The following TNKS variants were observed in gnomAD, a reference collection of about 807,000 sequenced individuals.
The protein encoded by TNKS is poly [ADP-ribose] polymerase tankyrase-1.
TNKS carries 72 observed loss-of-function variants against 135.8 expected under a neutral mutation model. The observed-to-expected ratio is 0.53, with a 90% confidence interval of 0.44 to 0.64. The LOEUF (loss-of-function observed/expected upper bound fraction) is 0.64. Among genes scored for constraint, TNKS ranks in the 30% least tolerant of loss-of-function variants. The pLI is 0.00. For synonymous variants in TNKS, 849 were observed against 649.3 expected, an observed-to-expected ratio of 1.31 and a Z score of -4.68; for missense variants, 1,769 against 1,674.0, an observed-to-expected ratio of 1.06 and a Z score of -0.99.
intron 20 of TNKS, among the ~76,000 whole-genome samples, chr8:9,758,178 T>G (rs1806942338): frequency 6.6e-6 from 1 of 152,232 alleles, no homozygotes; most frequent in Non-Finnish European, 1.5e-5. Context: ...GTAAATAAAG[T>G]GCTCGGAACT....
intron 8 of TNKS, 27 bp downstream of exon 8, chr8:9,707,024 A>G (rs1393784666): frequency 3.9e-6 from 6 of 1,524,460 alleles, no homozygotes; most frequent in Non-Finnish European, 4.4e-6. Flanking sequence ...CGAAATCATT[A>G]TCGCATAAAT....
intron 3 of TNKS, among the ~76,000 whole-genome samples, chr8:9,665,407 A>C (rs66531120): frequency 0.15 from 22,786 of 152,182 alleles, 2,266 homozygotes; most frequent in Non-Finnish European, 0.22. Context: ...CATCATTCTG[A>C]AAACCAGATT....
chr8:9,775,535 G>A (rs1440949529), intron 26 of TNKS, among the ~76,000 whole-genome samples: 1 of 100,096 alleles, frequency 1.0e-5, no homozygotes, highest in African/African-American at 3.6e-5. Context: ...ATGTTTTTTT[G>A]TTATTTTTAA....
chr8:9,650,776 C>A (rs767588984), intron 3 of TNKS, among the ~76,000 whole-genome samples: 4 of 152,116 alleles, frequency 2.6e-5, no homozygotes, highest in Non-Finnish European at 4.4e-5. Flanking sequence ...TGTCTGTTTA[C>A]TCTGCTGATG....
chr8:9,696,775 T>G (rs1803533460), intron 5 of TNKS, among the ~76,000 whole-genome samples: 1 of 151,962 alleles, frequency 6.6e-6, no homozygotes, highest in African/African-American at 2.4e-5. Flanking sequence ...AGGAAAACTA[T>G]AAAACACTGC....
chr8:9,681,861 A>G (rs1369507941), intron 5 of TNKS, among the ~76,000 whole-genome samples: 1 of 152,068 alleles, frequency 6.6e-6, no homozygotes, highest in Non-Finnish European at 1.5e-5. Flanking sequence ...CTCGGAATAT[A>G]ATTTACGTTC....
chr8:9,702,283 A>C (rs1803838109), intron 5 of TNKS, among the ~76,000 whole-genome samples: 1 of 152,132 alleles, frequency 6.6e-6, no homozygotes, highest in African/African-American at 2.4e-5. Flanking sequence ...TGCAAGCTCC[A>C]ATTGTGGGCA....
intron 3 of TNKS, among the ~76,000 whole-genome samples, chr8:9,637,889 A>AT (rs573164003): frequency 1.5e-4 from 23 of 152,202 alleles, no homozygotes; most frequent in African/African-American, 5.3e-4. Context: ...AAAGTTTGTG[A>AT]TTTTATTTAC....
At chr8:9,662,899 C>T (rs1386103933) in intron 3 of TNKS, among the ~76,000 whole-genome samples, 1 of 152,182 alleles carries the variant, frequency 6.6e-6, no homozygotes, top group Non-Finnish European at 1.5e-5. Context: ...ACATACTAAT[C>T]CCCAGAACCT....
chr8:9,675,250 ATTC>A (rs2128794904), intron 3 of TNKS, among the ~76,000 whole-genome samples: 1 of 152,296 alleles, frequency 6.6e-6, no homozygotes, highest in Non-Finnish European at 1.5e-5. Context: ...TTAATATTTT[ATTC>A]TTCATATAGG....
At chr8:9,772,827 GTGTC>G (rs759224593) in intron 26 of TNKS, among the ~76,000 whole-genome samples, 10,066 of 70,464 alleles carry the variant, frequency 0.14, 525 homozygotes, top group Admixed American at 0.17. Context: ...GTGTGTGTGT[GTGTC>G]TGTGTGTGTG....
intron 2 of TNKS, among the ~76,000 whole-genome samples, chr8:9,614,723 T>C (rs886322486): frequency 2.0e-5 from 3 of 152,316 alleles, no homozygotes; most frequent in Non-Finnish European, 1.5e-5. Flanking sequence ...GATTTAATCA[T>C]TGTTTGGGTA....
chr8:9,707,575 A>G (rs1204579972), intron 8 of TNKS, among the ~76,000 whole-genome samples: 1 of 152,204 alleles, frequency 6.6e-6, no homozygotes, highest in African/African-American at 2.4e-5. Flanking sequence ...TTTAAAAATA[A>G]TTAGGTTGAG....
intron 11 of TNKS, among the ~76,000 whole-genome samples, chr8:9,717,565 G>A (rs1804671759): frequency 1.3e-5 from 2 of 152,070 alleles, no homozygotes; most frequent in Non-Finnish European, 2.9e-5. Flanking sequence ...AGAACAGTAT[G>A]TCAAAAGTAG....
At position 9,719,309 on chromosome 8, in the gene TNKS, T is replaced by C. The variant is rs567688638; in HGVS notation, c.1750-1065T>C. Among the ~76,000 whole-genome samples, 4 of 152,180 alleles carry C rather than the reference T, an allele frequency of 2.6e-5. No homozygotes were observed. The South Asian group carries it at 8.3e-4, about 32-fold the overall frequency. Reference sequence around the variant, plus strand: ...TATCCTTTCTTTTCTTAATCTTGTATTTAGTGGGTGTACACAAATATTTTC... The same window carrying C: ...TATCCTTTCTTTTCTTAATCTTGTACTTAGTGGGTGTACACAAATATTTTC... On this transcript the variant is annotated intron_variant, in intron 11 of 26. Transcript: ENST00000310430.
chr8:9,735,083 A>G lies in TNKS; in HGVS notation c.2532A>G (p.Ala844=). The change falls in exon 16 of 27, where the codon GCA becomes GCG. Residue 844 remains alanine (A), a splice_region_variant and synonymous_variant. Coordinates refer to ENST00000310430, the MANE Select transcript of TNKS (RefSeq NM_003747.3). ...GAAATTCAACCCCTCTGCACCTGGCAGGTAAGCGCCCCCAGTGCCTCCAAG... is the reference window on the plus strand; with the variant it reads ...GAAATTCAACCCCTCTGCACCTGGCGGGTAAGCGCCCCCAGTGCCTCCAAG... ...QGRNSTPLHL[A]AGYNNLEVAE... 1 of 1,612,820 alleles carries G rather than the reference A, an allele frequency of 6.2e-7. No homozygotes were observed. Among genetic ancestry groups the G allele is most frequent in the Non-Finnish European group, 8.5e-7 (1 of 1,179,456 alleles).
chr8:9,633,088 A>T (rs915337712), intron 3 of TNKS, among the ~76,000 whole-genome samples: 5 of 150,482 alleles, frequency 3.3e-5, no homozygotes, highest in African/African-American at 1.2e-4. Context: ...GGAAAATGGT[A>T]CATTACTGCT....
intron 2 of TNKS, among the ~76,000 whole-genome samples, chr8:9,608,432 G>A (rs964727785): frequency 6.6e-6 from 1 of 151,510 alleles, no homozygotes; most frequent in African/African-American, 2.4e-5. Flanking sequence ...TTAACAAGGC[G>A]ATTTTTTTTT....
At chr8:9,560,635 G>A (rs1267400371) in intron 1 of TNKS, among the ~76,000 whole-genome samples, 1 of 151,066 alleles carries the variant, frequency 6.6e-6, no homozygotes, top group African/African-American at 2.4e-5. Flanking sequence ...TGCAGTCTTG[G>A]AGTGGGAATT....
Sources: gnomAD v4.1 joint callset for allele counts (sites outside exome capture counted in the v4.1 genomes callset) on GRCh38, gnomAD v4.1.1 for gene constraint, MANE v1.5 for transcripts, NCBI Gene and HGNC (gene_info 2026-07-23, HGNC 2026-07-21) for gene names.